GALNT13: variants seen among roughly 807,000 people sequenced by gnomAD.
GALNT13 encodes UDP-GalNAc:polypeptide N-acetylgalactosaminyltransferase 13.
Under a neutral mutation model 64.2 loss-of-function variants are expected in GALNT13, and 28 were observed. That is an observed-to-expected ratio of 0.44 (90% CI 0.32 to 0.60). The LOEUF (loss-of-function observed/expected upper bound fraction) is 0.60, where lower values mean the gene tolerates loss of function less well. Among genes scored for constraint, GALNT13 ranks in the 20% least tolerant of loss-of-function variants. GALNT13 has a pLI of 0.05. For synonymous variants in GALNT13, 214 were observed against 224.6 expected (o/e 0.95, Z 0.42); for missense variants, 577 against 669.8 (o/e 0.86, Z 1.53).
chr2:153,633,958 C>A, the GALNT13 span, among the ~76,000 whole-genome samples: 1 of 152,030 alleles, frequency 6.6e-6, no homozygotes, highest in Admixed American at 6.6e-5. Flanking sequence ...ATTCTACAGA[C>A]CCTAAAGATT....
At chr2:154,271,055 A>T (rs1691326742) in intron 8 of GALNT13, among the ~76,000 whole-genome samples, 1 of 151,966 alleles carries the variant, frequency 6.6e-6, no homozygotes, top group Non-Finnish European at 1.5e-5. Context: ...GCAGGGATGT[A>T]GATACTAACA....
the GALNT13 span, among the ~76,000 whole-genome samples, chr2:153,079,455 C>T: frequency 1.3e-5 from 2 of 152,056 alleles, no homozygotes; most frequent in African/African-American, 2.4e-5. Context: ...TATACATTAA[C>T]ATTCTTTTTA....
At chr2:153,846,136 A>G in the GALNT13 span, among the ~76,000 whole-genome samples, 1 of 152,188 alleles carries the variant, frequency 6.6e-6, no homozygotes, top group Non-Finnish European at 1.5e-5. Context: ...ATGATTCCTT[A>G]TGAAAACATA....
chr2:153,246,171 G>T, the GALNT13 span, among the ~76,000 whole-genome samples: 1 of 152,112 alleles, frequency 6.6e-6, no homozygotes, highest in South Asian at 2.1e-4. Context: ...ACCTATGATG[G>T]ATTGGTATGC....
At chr2:153,148,152 C>T in the GALNT13 span, among the ~76,000 whole-genome samples, 1 of 151,820 alleles carries the variant, frequency 6.6e-6, no homozygotes, top group African/African-American at 2.4e-5. Flanking sequence ...TTAAGAAATA[C>T]AATAGACATA....
At chr2:153,804,718 A>G in the GALNT13 span, among the ~76,000 whole-genome samples, 11,309 of 152,266 alleles carry the variant, frequency 0.074, 506 homozygotes, top group African/African-American at 0.11. Context: ...GATTTCATGT[A>G]AAAATGAGTG....
intron 4 of GALNT13, among the ~76,000 whole-genome samples, chr2:154,154,417 A>G (rs991917979): frequency 4.6e-5 from 7 of 152,198 alleles, no homozygotes; most frequent in African/African-American, 1.7e-4. Flanking sequence ...AATCTTAAAA[A>G]CAATTTTATT....
the GALNT13 span, among the ~76,000 whole-genome samples, chr2:153,146,308 A>G: frequency 6.6e-6 from 1 of 151,698 alleles, no homozygotes; most frequent in Admixed American, 6.6e-5. Context: ...CTGAAGACAT[A>G]ATTCAGTCAA....
chr2:154,008,730 A>C (rs1221901718), intron 3 of GALNT13, among the ~76,000 whole-genome samples: 2 of 152,174 alleles, frequency 1.3e-5, no homozygotes, highest in Non-Finnish European at 2.9e-5. Flanking sequence ...AATGGCCTCT[A>C]GTTCCATCCA....
chr2:153,654,259 A>G, the GALNT13 span, among the ~76,000 whole-genome samples: 2 of 152,148 alleles, frequency 1.3e-5, no homozygotes, highest in African/African-American at 4.8e-5. Context: ...ATTATTTTAA[A>G]TTTAAATAGT....
chr2:153,401,934 G>A, the GALNT13 span, among the ~76,000 whole-genome samples: 1 of 149,998 alleles, frequency 6.7e-6, no homozygotes, highest in East Asian at 2.0e-4. Flanking sequence ...TACATTTAAA[G>A]TTAATATTGT....
At chr2:153,717,227 G>T in the GALNT13 span, among the ~76,000 whole-genome samples, 2 of 152,060 alleles carry the variant, frequency 1.3e-5, no homozygotes, top group Non-Finnish European at 2.9e-5. Flanking sequence ...GCTGTTTGTT[G>T]TTCCTAATTG....
intron 3 of GALNT13, among the ~76,000 whole-genome samples, chr2:154,029,131 C>T (rs1698173424): frequency 2.0e-5 from 3 of 147,152 alleles, no homozygotes; most frequent in Non-Finnish European, 1.5e-5. Flanking sequence ...CCATAGACTT[C>T]AATGTATACT....
intron 8 of GALNT13, chr2:154,287,038 G>A (rs1450743608): frequency 6.2e-6 from 4 of 649,876 alleles, no homozygotes; most frequent in Non-Finnish European, 1.1e-5. Context: ...CTCCAGGCAG[G>A]TGAGTGATGA....
chr2:154,145,048 TTCTCTCTCTCTCTC>T (rs3075862), intron 4 of GALNT13, among the ~76,000 whole-genome samples: 5 of 106,678 alleles, frequency 4.7e-5, no homozygotes, highest in African/African-American at 1.6e-4. Flanking sequence ...ATTTATGTAG[TTCTCTCTCTCTCTC>T]TCTCTCTCTC....
chr2:153,648,876 T>C, the GALNT13 span, among the ~76,000 whole-genome samples: 11 of 152,186 alleles, frequency 7.2e-5, no homozygotes, highest in Admixed American at 3.9e-4. Flanking sequence ...GCTAGTATCT[T>C]ATTGAGGATT....
rs1448851777 is a variant in GALNT13, at chr2:154,225,152, T to TGAC, written c.312-16878_312-16877insGAC. Among the ~76,000 whole-genome samples, 63 of 100,448 alleles carry TGAC rather than the reference T, an allele frequency of 6.3e-4. 1 individual carries two copies. The highest frequency in any genetic ancestry group is 5.0e-3 in the Middle Eastern group (1 of 202). The allele number at this position is 100,448 out of a possible 152,430, so 65.9% of individuals were successfully genotyped here. A position where few individuals can be genotyped will look rare whatever the true frequency, so the allele number is the denominator to read the frequency against. ...GATAGATAGATAGATAGATGACAGATAGATAGATGATAGATAGATAGATAG... is the reference window on the plus strand; with the variant it reads ...GATAGATAGATAGATAGATGACAGATGACAGATAGATGATAGATAGATAGATAG... On this transcript the variant is annotated intron_variant, in intron 4 of 12. Coordinates refer to ENST00000392825, the MANE Select transcript of GALNT13 (RefSeq NM_052917.4).
At chr2:153,708,090 G>C in the GALNT13 span, among the ~76,000 whole-genome samples, 3 of 151,932 alleles carry the variant, frequency 2.0e-5, no homozygotes, top group Non-Finnish European at 4.4e-5. Context: ...AGTAAGCTCT[G>C]GTTCACTTTT....
the GALNT13 span, among the ~76,000 whole-genome samples, chr2:153,340,694 T>C: frequency 6.6e-6 from 1 of 152,218 alleles, no homozygotes; most frequent in South Asian, 2.1e-4. Context: ...ATACTAGTTT[T>C]GTCCCTGAAC....
Sources: gnomAD v4.1 joint callset for allele counts (sites outside exome capture counted in the v4.1 genomes callset) on GRCh38, gnomAD v4.1.1 for gene constraint, MANE v1.5 for transcripts, NCBI Gene and HGNC (gene_info 2026-07-23, HGNC 2026-07-21) for gene names.